The following ARPC2 variants were observed in gnomAD, a reference collection of about 807,000 sequenced individuals.
ARPC2 encodes the protein actin-related protein 2/3 complex subunit 2.
A neutral mutation model predicts 38.6 loss-of-function variants in ARPC2; 4 were observed. That is an observed-to-expected ratio of 0.10 (90% CI 0.05 to 0.24). The LOEUF is 0.24. Ranked by LOEUF, ARPC2 falls within the 10% of genes least tolerant of loss-of-function variation. The probability of loss-of-function intolerance (pLI) is 1.00; values close to 1 mark genes in which losing one functional copy is unlikely to be tolerated. For missense variants in ARPC2, 229 were observed against 387.3 expected (o/e 0.59, Z 3.43); for synonymous variants, 125 against 140.8 (o/e 0.89, Z 0.79).
At chr2:218,253,035 G>A in intron 10 of ARPC2, 1 of 456,198 alleles carries the variant, frequency 2.2e-6, no homozygotes. Flanking sequence ...TACTAATGGT[G>A]GGTAGGAGTT....
chr2:218,227,589 G>T (rs1010361824), intron 3 of ARPC2, among the ~76,000 whole-genome samples: 1 of 150,212 alleles, frequency 6.7e-6, no homozygotes, highest in African/African-American at 2.5e-5. Flanking sequence ...ACCACACCCG[G>T]CTAATTTTTT....
chr2:218,226,097 A>G, intron 3 of ARPC2, 143 bp downstream of exon 3: 9 of 781,888 alleles, frequency 1.2e-5, no homozygotes, highest in Non-Finnish European at 1.7e-5. Context: ...GAGTTAAAGA[A>G]CAGCCTGGCA....
intron 7 of ARPC2, 130 bp downstream of exon 7, chr2:218,239,614 A>G (rs980603887): frequency 4.4e-6 from 3 of 678,416 alleles, no homozygotes; most frequent in Non-Finnish European, 7.4e-6. Flanking sequence ...TTTTTTCGAG[A>G]CGGAGTTTCT....
At chr2:218,217,607 A>C in intron 2 of ARPC2, 63 bp downstream of exon 2, 1 of 1,481,676 alleles carries the variant, frequency 6.7e-7, no homozygotes, top group Non-Finnish European at 9.3e-7. Flanking sequence ...CTAATCCCCA[A>C]TGTTGTCCAG....
At chr2:218,227,860 C>T (rs1475737149) in intron 3 of ARPC2, among the ~76,000 whole-genome samples, 2 of 152,284 alleles carry the variant, frequency 1.3e-5, no homozygotes, top group South Asian at 4.1e-4. Flanking sequence ...CCAAAGTTAA[C>T]AGGCTGGGTT....
At chr2:218,238,408 C>T (rs2106153564) in intron 5 of ARPC2, among the ~76,000 whole-genome samples, 1 of 152,162 alleles carries the variant, frequency 6.6e-6, no homozygotes, top group South Asian at 2.1e-4. Flanking sequence ...TATATATTTA[C>T]AAGAATCTTA....
In ARPC2 at chr2:218,249,425, G is replaced by C. The variant is rs748832042; in HGVS notation, c.738G>C (p.Thr246=). The C allele has an allele frequency of 6.2e-7, 1 of 1,613,476 alleles. No homozygotes were observed. Residue 246 remains threonine (T), a synonymous_variant, in exon 9 of 11, where the codon ACG becomes ACC. Transcript: ENST00000315717. ...ARDNTINLIH[T]FRDYLHYHIK... is the part of the protein sequence containing the mutation. The stretch of plus-strand genomic sequence containing the variant: ...ACAACACCATCAACCTGATCCACAC[G>C]TTCCGGGACTACCTGCACTACCACA...
chr2:218,235,232 G>A, intron 5 of ARPC2: 1 of 218,864 alleles, frequency 4.6e-6, no homozygotes, highest in Non-Finnish European at 9.2e-6. Flanking sequence ...GAATGCAGTG[G>A]TACAGTCATA....
Position 218,217,214 on chromosome 2 carries a change from C to T in ARPC2, c.-49C>T. On this transcript the variant is annotated 5_prime_UTR_variant, in exon 1 of 11. Coordinates refer to ENST00000315717, the MANE Select transcript of ARPC2 (RefSeq NM_152862.3). ...GTCGGTGAAGCGGCAGTGGCGGCGG[C>T]GGCGGCGGCTCGGCAGGCGGGTTCA... is the stretch of plus-strand genomic sequence containing the variant. 6.8e-6 allele frequency: 3 copies of T among 442,398 alleles called. No homozygotes were observed. Among genetic ancestry groups the T allele is most frequent in the Non-Finnish European group, 8.0e-6 (2 of 251,414 alleles). The allele number at this position is 442,398 out of a possible 1,614,324, so 27.4% of individuals were successfully genotyped here. A position where few individuals can be genotyped will look rare whatever the true frequency, so the allele number is the denominator to read the frequency against.
At chr2:218,230,592 T>A (rs1248654613) in intron 4 of ARPC2, among the ~76,000 whole-genome samples, 1 of 152,134 alleles carries the variant, frequency 6.6e-6, no homozygotes, top group East Asian at 1.9e-4. Context: ...AGCCACCATG[T>A]CCAGCTGCAT....
chr2:218,218,537 C>T (rs1222672794), intron 2 of ARPC2, among the ~76,000 whole-genome samples: 1 of 152,218 alleles, frequency 6.6e-6, no homozygotes, highest in East Asian at 1.9e-4. Flanking sequence ...TTTTTGGTGG[C>T]CTGTGGCCAG....
At chr2:218,245,697 G>C (rs995221081) in intron 8 of ARPC2, 151 bp downstream of exon 8, 1 of 1,024,852 alleles carries the variant, frequency 9.8e-7, no homozygotes, top group Non-Finnish European at 1.4e-6. Flanking sequence ...GACTAAAGGA[G>C]GGATGTCACA....
At chr2:218,234,247 A>T in intron 4 of ARPC2, 105 bp from the exon 5 acceptor site, 1 of 845,564 alleles carries the variant, frequency 1.2e-6, no homozygotes, top group Non-Finnish European at 1.8e-6. Context: ...GTTAGGAAGA[A>T]TGCCAACTTA....
chr2:218,231,929 C>A (rs1257728835), intron 4 of ARPC2, among the ~76,000 whole-genome samples: 1 of 151,476 alleles, frequency 6.6e-6, no homozygotes, highest in Non-Finnish European at 1.5e-5. Flanking sequence ...CGTAGTGAGA[C>A]CCTGTCTTTG....
chr2:218,218,499 A>C (rs1689311868), intron 2 of ARPC2, among the ~76,000 whole-genome samples: 1 of 152,244 alleles, frequency 6.6e-6, no homozygotes, highest in African/African-American at 2.4e-5. Flanking sequence ...TAATATTTAA[A>C]ACATGAGCTA....
intron 2 of ARPC2, among the ~76,000 whole-genome samples, chr2:218,218,346 A>G (rs987761111): frequency 5.9e-5 from 9 of 152,240 alleles, no homozygotes; most frequent in Admixed American, 5.9e-4. Context: ...TCCAGAATCT[A>G]TAAAGTTCTT....
At chr2:218,240,907 G>A (rs1050964651) in intron 7 of ARPC2, among the ~76,000 whole-genome samples, 7 of 151,260 alleles carry the variant, frequency 4.6e-5, no homozygotes, top group African/African-American at 1.7e-4. Context: ...AAAAAAGAGA[G>A]TCCTGAGAGT....
Position 218,217,217 on chromosome 2 carries a change from C to T in ARPC2, c.-46C>T, listed in dbSNP as rs1416214549. 4.5e-6 allele frequency: 2 copies of T among 446,664 alleles called. No individual in the cohort carries two copies. The highest frequency in any genetic ancestry group is 8.2e-5 in the East Asian group (2 of 24,384). The allele number at this position is 446,664 out of a possible 1,614,324, so 27.7% of individuals were successfully genotyped here. The stretch of plus-strand genomic sequence containing the variant: ...GGTGAAGCGGCAGTGGCGGCGGCGG[C>T]GGCGGCTCGGCAGGCGGGTTCAGGC... On this transcript the variant is annotated 5_prime_UTR_variant, in exon 1 of 11. Transcript: ENST00000315717.
chr2:218,227,686 GT>G (rs1296138399), intron 3 of ARPC2, among the ~76,000 whole-genome samples: 5 of 152,054 alleles, frequency 3.3e-5, no homozygotes, highest in African/African-American at 1.2e-4. Context: ...CACCCCCCGG[GT>G]TCAAGCGATT....
Sources: allele counts gnomAD v4.1 joint callset (sites outside exome capture counted in the v4.1 genomes callset), GRCh38; gene constraint gnomAD v4.1.1; transcripts MANE v1.5; gene names NCBI Gene and HGNC (gene_info 2026-07-23, HGNC 2026-07-21).